Variants in PHACTR3 observed in about 807,000 individuals in gnomAD.
The protein encoded by PHACTR3 is protein phosphatase 1, regulatory subunit 123.
Under a neutral mutation model 66.8 loss-of-function variants are expected in PHACTR3, and 16 were observed. The ratio of observed to expected loss-of-function variants is 0.24; its 90% CI spans 0.16 to 0.36. The LOEUF is 0.36. Ranked by LOEUF, PHACTR3 falls within the 10% of genes least tolerant of loss-of-function variation. The probability of loss-of-function intolerance (pLI) is 1.00; values close to 1 mark genes in which losing one functional copy is unlikely to be tolerated. For missense variants in PHACTR3, 647 were observed against 719.9 expected (o/e 0.90, Z 1.16); for synonymous variants, 323 against 292.1 (o/e 1.11, Z -1.08).
intron 1 of PHACTR3, among the ~76,000 whole-genome samples, chr20:59,580,413 G>T (rs184160978): frequency 2.0e-5 from 3 of 152,236 alleles, no homozygotes; most frequent in African/African-American, 7.2e-5. Context: ...GAGCTTGCTT[G>T]GGAATCTTAA....
At chr20:59,831,916 C>T (rs1321109932) in intron 8 of PHACTR3, among the ~76,000 whole-genome samples, 1 of 152,214 alleles carries the variant, frequency 6.6e-6, no homozygotes, top group Non-Finnish European at 1.5e-5. Flanking sequence ...CTTTTCCTGG[C>T]CATGGTTCTG....
At chr20:59,695,176 A>G (rs2037251863) in intron 1 of PHACTR3, among the ~76,000 whole-genome samples, 1 of 152,146 alleles carries the variant, frequency 6.6e-6, no homozygotes, top group Non-Finnish European at 1.5e-5. Flanking sequence ...ACTGTAGACA[A>G]AATTGGAATT....
chr20:59,836,602 T>TCACC (rs1320118298), intron 9 of PHACTR3, 42 bp downstream of exon 9: 1 of 1,588,446 alleles, frequency 6.3e-7, no homozygotes, highest in African/African-American at 1.4e-5. Context: ...CCTTCACGTG[T>TCACC]GGTGAGGCTG....
chr20:59,778,950 G>A (rs943869771), intron 7 of PHACTR3, among the ~76,000 whole-genome samples: 1 of 152,180 alleles, frequency 6.6e-6, no homozygotes, highest in African/African-American at 2.4e-5. Context: ...TGTCGTGAAC[G>A]TGGCCCAGGC....
intron 1 of PHACTR3, among the ~76,000 whole-genome samples, chr20:59,697,131 T>A (rs1400224626): frequency 1.3e-5 from 2 of 152,158 alleles, no homozygotes; most frequent in East Asian, 3.9e-4. Context: ...CTGCCCCACT[T>A]ACCAGGATAT....
At chr20:59,717,727 AC>A (rs2038145309) in intron 1 of PHACTR3, among the ~76,000 whole-genome samples, 1 of 152,246 alleles carries the variant, frequency 6.6e-6, no homozygotes, top group South Asian at 2.1e-4. Flanking sequence ...TACTTGCTTA[AC>A]AAAAATGACT....
At chr20:59,740,577 A>C (rs1202728140) in intron 1 of PHACTR3, among the ~76,000 whole-genome samples, 1 of 152,250 alleles carries the variant, frequency 6.6e-6, no homozygotes, top group East Asian at 1.9e-4. Flanking sequence ...GATTACAGGC[A>C]TGAGCCACTG....
At chr20:59,838,248 A>T (rs1324427693) in intron 9 of PHACTR3, among the ~76,000 whole-genome samples, 1 of 152,186 alleles carries the variant, frequency 6.6e-6, no homozygotes, top group Non-Finnish European at 1.5e-5. Context: ...GGAGATGAGA[A>T]TAGGGTAACT....
At position 59,701,980 on chromosome 20, in the gene PHACTR3, T is replaced by C. The variant is rs112627341; in HGVS notation, c.119-41127T>C. On this transcript the variant is annotated intron_variant, in intron 1 of 12. Coordinates refer to ENST00000371015, the MANE Select transcript of PHACTR3 (RefSeq NM_080672.5). ...TGCAGTATGTGGACTTCTCAGACTG[T>C]ATTCTTTGACTAAGCAAGATGCCTT... 7.5e-3 allele frequency among the ~76,000 whole-genome samples: 1,146 copies of C among 152,342 alleles called. 10 individuals are homozygous for C. The highest frequency in any genetic ancestry group is 0.011 in the Non-Finnish European group (779 of 68,024).
chr20:59,784,196 C>G (rs986176638), intron 7 of PHACTR3, among the ~76,000 whole-genome samples: 1 of 152,130 alleles, frequency 6.6e-6, no homozygotes, highest in Admixed American at 6.5e-5. Context: ...GGAATCCACT[C>G]CAGCCGCTGG....
chr20:59,586,888 C>A (rs1201517245), intron 1 of PHACTR3, among the ~76,000 whole-genome samples: 3 of 152,176 alleles, frequency 2.0e-5, no homozygotes, highest in Non-Finnish European at 4.4e-5. Context: ...GCTGCTGAGC[C>A]GAATTTGAGC....
In PHACTR3 at chr20:59,843,565, C is replaced by CCAAGAACATAAACTGGG. The variant is rs2059101192; in HGVS notation, c.1588-1623_1588-1607dup. On this transcript the variant is annotated intron_variant, in intron 11 of 12. Coordinates refer to ENST00000371015, the MANE Select transcript of PHACTR3 (RefSeq NM_080672.5). ...AGCCAACTGATTTTTGACAAAGGTG[C>CCAAGAACATAAACTGGG]CAAGAACATAAACTGGGGAAAGGAC... is the stretch of plus-strand genomic sequence containing the variant. 1.3e-5 allele frequency: 2 copies of CCAAGAACATAAACTGGG among 151,894 alleles called. 1 individual carries two copies. Among genetic ancestry groups the CCAAGAACATAAACTGGG allele is most frequent in the South Asian group, 4.1e-4 (2 of 4,820 alleles). The allele number at this position is 151,894 out of a possible 1,614,324, so 9.4% of individuals were successfully genotyped here.
At chr20:59,682,360 CAAAA>C (rs904343478) in intron 1 of PHACTR3, among the ~76,000 whole-genome samples, 1 of 151,060 alleles carries the variant, frequency 6.6e-6, no homozygotes, top group East Asian at 2.0e-4. Context: ...ACAAACAAAA[CAAAA>C]AAAAGGGAAA....
At chr20:59,687,304 G>A (rs1257529638) in intron 1 of PHACTR3, among the ~76,000 whole-genome samples, 1 of 152,124 alleles carries the variant, frequency 6.6e-6, no homozygotes, top group South Asian at 2.1e-4. Context: ...GATAATGGTG[G>A]TGGTGAATGT....
At chr20:59,669,558 T>C (rs2036119891) in intron 1 of PHACTR3, among the ~76,000 whole-genome samples, 1 of 152,238 alleles carries the variant, frequency 6.6e-6, no homozygotes, top group African/African-American at 2.4e-5. Context: ...TTTGCAACCA[T>C]CATTGTGGTG....
intron 1 of PHACTR3, among the ~76,000 whole-genome samples, chr20:59,699,428 A>C (rs1199158744): frequency 1.3e-5 from 2 of 152,152 alleles, no homozygotes; most frequent in Non-Finnish European, 2.9e-5. Flanking sequence ...TATTAAAAGA[A>C]GGCTTCTAGT....
chr20:59,729,645 C>T (rs1295555598), intron 1 of PHACTR3, among the ~76,000 whole-genome samples: 1 of 152,122 alleles, frequency 6.6e-6, no homozygotes, highest in African/African-American at 2.4e-5. Context: ...GGAGAAGGGT[C>T]CCAGAGGGAC....
chr20:59,645,302 C>A (rs1314836634), intron 1 of PHACTR3, among the ~76,000 whole-genome samples: 1 of 151,342 alleles, frequency 6.6e-6, no homozygotes, highest in Non-Finnish European at 1.5e-5. Flanking sequence ...GGGTTAACCT[C>A]CCTGGGCCCA....
intron 1 of PHACTR3, among the ~76,000 whole-genome samples, chr20:59,689,870 C>A (rs2037045077): frequency 6.6e-6 from 1 of 152,134 alleles, no homozygotes; most frequent in Non-Finnish European, 1.5e-5. Context: ...TTCTCATTAC[C>A]CCCAGCCACA....
Sources: gnomAD v4.1 joint callset for allele counts (sites outside exome capture counted in the v4.1 genomes callset) on GRCh38, gnomAD v4.1.1 for gene constraint, MANE v1.5 for transcripts, NCBI Gene and HGNC (gene_info 2026-07-23, HGNC 2026-07-21) for gene names.